Variants in TNRC6C observed in about 807,000 individuals in gnomAD.
TNRC6C encodes the protein trinucleotide repeat containing adaptor 6C.
Under a neutral mutation model 153.7 loss-of-function variants are expected in TNRC6C, and 20 were observed. That is an observed-to-expected ratio of 0.13 (90% CI 0.09 to 0.19). TNRC6C has a LOEUF of 0.19. Ranked by LOEUF, TNRC6C falls within the 10% of genes least tolerant of loss-of-function variation. TNRC6C has a pLI of 1.00. For missense variants in TNRC6C, 1,987 were observed against 2,172.0 expected (o/e 0.91, Z 1.69); for synonymous variants, 811 against 841.4 (o/e 0.96, Z 0.63).
intron 1 of TNRC6C, among the ~76,000 whole-genome samples, chr17:77,960,868 G>A (rs1368357455): frequency 6.6e-6 from 1 of 152,186 alleles, no homozygotes. Flanking sequence ...AAGTAATGAT[G>A]TGAACAGTTG....
At chr17:77,960,072 G>T (rs1460462475) in intron 1 of TNRC6C, among the ~76,000 whole-genome samples, 2 of 152,166 alleles carry the variant, frequency 1.3e-5, no homozygotes, top group Admixed American at 1.3e-4. Context: ...GGTAGGGGAG[G>T]AGGAGCCGCT....
At chr17:77,970,038 TC>T in intron 1 of TNRC6C, among the ~76,000 whole-genome samples, 1 of 152,318 alleles carries the variant, frequency 6.6e-6, no homozygotes, top group East Asian at 1.9e-4. Context: ...TTCAGCTACT[TC>T]CTATTCAATC....
chr17:78,005,813 C>T (rs1335494868), intron 1 of TNRC6C, among the ~76,000 whole-genome samples: 2 of 152,042 alleles, frequency 1.3e-5, no homozygotes, highest in East Asian at 1.9e-4. Flanking sequence ...TGGTTCCTAC[C>T]TCATAAAGCT....
At chr17:77,958,390 C>A (rs951500005), upstream of TNRC6C, among the ~76,000 whole-genome samples, 17 of 152,012 alleles carry the variant, frequency 1.1e-4, no homozygotes, top group African/African-American at 3.9e-4. Context: ...TGGCGCGCGT[C>A]CCGGCCACTC....
chr17:78,079,537 C>A lies in TNRC6C; in HGVS notation c.3353C>A (p.Pro1118His). The A allele has an allele frequency of 5.6e-6, 9 of 1,613,916 alleles. No individual in the cohort carries two copies. The highest frequency in any genetic ancestry group is 7.6e-6 in the Non-Finnish European group (9 of 1,179,886). The change falls in exon 10 of 20, where the codon CCT (proline) becomes CAT (histidine). Residue 1118 changes from proline to histidine, a missense_variant. Coordinates refer to ENST00000301624, the Ensembl canonical transcript of TNRC6C. The surrounding 1 kb of genome is among the most constrained non-coding windows in gnomAD (Gnocchi z 4.3). ...GCTCAAGTGCCTCAGTTTCTATCCCCTCAGGTCAGACCCACATCCAAGCAG... is the reference window on the plus strand; with the variant it reads ...GCTCAAGTGCCTCAGTTTCTATCCCATCAGGTCAGACCCACATCCAAGCAG...
chr17:77,995,671 T>A (rs2071317137), intron 1 of TNRC6C, among the ~76,000 whole-genome samples: 1 of 152,196 alleles, frequency 6.6e-6, no homozygotes. Context: ...GACTACTGTA[T>A]CTGAGAGACT....
In TNRC6C at chr17:78,071,175, G is replaced by A. The variant is rs376115182; in HGVS notation, c.2859+10G>A. The A allele has an allele frequency of 1.8e-4, 287 of 1,592,062 alleles. 1 individual carries two copies. In the East Asian group the frequency reaches 4.2e-3, roughly 23 times the overall value. ...AGACATGGGCTTCCCGGTAACTGGC[G>A]TCGTAGTTTACTGCTACCCACCATG... is the stretch of plus-strand genomic sequence containing the variant. On this transcript the variant is annotated intron_variant, in intron 6 of 19. Transcript: ENST00000301624.
exon 3 of TNRC6C, chr17:78,050,324 G>A: frequency 1.9e-6 from 3 of 1,588,768 alleles, no homozygotes; most frequent in Non-Finnish European, 2.6e-6. Context: ...GAAGGCCGAA[G>A]GCGAGATAAA....
At chr17:78,081,265 T>C (rs1315088608) in intron 10 of TNRC6C, among the ~76,000 whole-genome samples, 1 of 151,690 alleles carries the variant, frequency 6.6e-6, no homozygotes, top group East Asian at 1.9e-4. Flanking sequence ...GGTTTCAACA[T>C]AGGAATTCTC....
rs567602046 is a variant in TNRC6C at position 77,969,195 on chromosome 17, C to T, written c.-38+9927C>T. Among the ~76,000 whole-genome samples, 66 of 152,236 alleles carry T rather than the reference C, an allele frequency of 4.3e-4. No individual in the cohort carries two copies. In the Middle Eastern group the frequency reaches 0.01, roughly 24 times the overall value. On this transcript the variant is annotated intron_variant, in intron 1 of 22. Coordinates refer to the TNRC6C transcript ENST00000636222. Reference sequence around the variant, plus strand: ...TAATTCCATTGGCTGTGCTCCTCACCGCTCTATTGCACTACCTCATTCAGA... The same window carrying T: ...TAATTCCATTGGCTGTGCTCCTCACTGCTCTATTGCACTACCTCATTCAGA...
chr17:77,969,484 A>G (rs2070924385), intron 1 of TNRC6C, among the ~76,000 whole-genome samples: 1 of 152,074 alleles, frequency 6.6e-6, no homozygotes, highest in Non-Finnish European at 1.5e-5. Flanking sequence ...TCCTGATCTC[A>G]GGTGATCCAC....
intron 10 of TNRC6C, among the ~76,000 whole-genome samples, chr17:78,080,337 T>A (rs1034392529): frequency 8.5e-5 from 13 of 152,084 alleles, no homozygotes; most frequent in African/African-American, 3.1e-4. Context: ...TCCCAGCTAC[T>A]TGGGAGGCTG....
At chr17:78,097,099 C>G (rs957345154) in intron 16 of TNRC6C, among the ~76,000 whole-genome samples, 1 of 152,118 alleles carries the variant, frequency 6.6e-6, no homozygotes, top group Non-Finnish European at 1.5e-5. Flanking sequence ...CCTGTGGTCC[C>G]TGTGACTCCG....
chr17:78,019,444 C>T (rs1031788804), intron 1 of TNRC6C, among the ~76,000 whole-genome samples: 1 of 152,152 alleles, frequency 6.6e-6, no homozygotes, highest in Non-Finnish European at 1.5e-5. Context: ...CTCTATTTGG[C>T]CCTGTTATGA....
chr17:78,095,575 G>C (rs2073470841), intron 16 of TNRC6C, among the ~76,000 whole-genome samples: 1 of 152,222 alleles, frequency 6.6e-6, no homozygotes, highest in Non-Finnish European at 1.5e-5. Flanking sequence ...GTATTCAGCA[G>C]TAGCCAGTTC....
chr17:78,042,928 C>T (rs1176097103), intron 2 of TNRC6C, among the ~76,000 whole-genome samples: 3 of 152,044 alleles, frequency 2.0e-5, no homozygotes, highest in African/African-American at 7.2e-5. Flanking sequence ...GCAATACAGT[C>T]CCCGGTTTGG....
In TNRC6C at chr17:78,086,328, TAAAAAAAAAAAAAA is replaced by T. The variant is rs58348772; in HGVS notation, c.3478-156_3478-143del. ...CTGGATGACAGAGCGAGACTCCATC[TAAAAAAAAAAAAAA>T]AAAAAAAAAAAAAAAAAACAGTATG... On this transcript the variant is annotated intron_variant, in intron 11 of 19. Coordinates refer to ENST00000301624, the Ensembl canonical transcript of TNRC6C. Among the ~76,000 whole-genome samples the T allele has an allele frequency of 2.1e-3, 111 of 53,372 alleles. 1 individual carries two copies. Among genetic ancestry groups the T allele is most frequent in the African/African-American group, 3.6e-3 (62 of 17,054 alleles). The allele number at this position is 53,372 out of a possible 152,430, so 35.0% of individuals were successfully genotyped here.
chr17:78,025,139 T>G (rs539540622), intron 1 of TNRC6C, among the ~76,000 whole-genome samples: 5 of 152,214 alleles, frequency 3.3e-5, no homozygotes, highest in Non-Finnish European at 7.3e-5. Flanking sequence ...GGGTTCACTC[T>G]TTGTGTTATA....
chr17:78,028,418 C>T (rs1260107014), intron 1 of TNRC6C, among the ~76,000 whole-genome samples: 3 of 152,168 alleles, frequency 2.0e-5, no homozygotes, highest in Non-Finnish European at 2.9e-5. Flanking sequence ...ACCATGCATT[C>T]GTAGCAGTAC....
Sources: allele counts gnomAD v4.1 joint callset (sites outside exome capture counted in the v4.1 genomes callset), GRCh38; gene constraint gnomAD v4.1.1; non-coding constraint Gnocchi (gnomAD v3.1); transcripts MANE v1.5; gene names NCBI Gene and HGNC (gene_info 2026-07-23, HGNC 2026-07-21).